FBXO42: variants seen among roughly 807,000 people sequenced by gnomAD.
The protein encoded by FBXO42 is F-box only protein 42.
A neutral mutation model predicts 71.7 loss-of-function variants in FBXO42; 12 were observed. The ratio of observed to expected loss-of-function variants is 0.17; its 90% CI spans 0.11 to 0.27. FBXO42 has a LOEUF of 0.27. FBXO42 is among the 10% of genes least tolerant of loss of function. FBXO42 has a pLI of 1.00. For missense variants in FBXO42, 707 were observed against 911.9 expected, an observed-to-expected ratio of 0.78 and a Z score of 2.89; for synonymous variants, 325 against 327.5, an observed-to-expected ratio of 0.99 and a Z score of 0.08.
At chr1:16,293,753 T>A (rs2082102396) in intron 4 of FBXO42, 1 of 152,210 alleles carries the variant, frequency 6.6e-6, no homozygotes, top group African/African-American at 2.4e-5. Context: ...ACATTCACAG[T>A]AGCGGTTATA....
At chr1:16,316,281 G>A (rs925646973) in intron 1 of FBXO42, among the ~76,000 whole-genome samples, 17 of 151,754 alleles carry the variant, frequency 1.1e-4, no homozygotes, top group African/African-American at 3.1e-4. Flanking sequence ...ACTTGCCAGC[G>A]GTGCCTGCAA....
In FBXO42 at chr1:16,326,040, G is replaced by GTGTGTGTGTGTGTGTC. The variant is rs766515532; in HGVS notation, c.-17-10606_-17-10605insGACACACACACACACA. Among the ~76,000 whole-genome samples the GTGTGTGTGTGTGTGTC allele has an allele frequency of 5.8e-3, 873 of 150,328 alleles. 9 individuals are homozygous for GTGTGTGTGTGTGTGTC. Among genetic ancestry groups the GTGTGTGTGTGTGTGTC allele is most frequent in the African/African-American group, 0.02 (817 of 40,680 alleles). ...TGTGTGTGTGTGTGTGTGTGTGTGT[G>GTGTGTGTGTGTGTGTC]TGTGTGTGTCTGTGTGTGTCTGTGT... On this transcript the variant is annotated intron_variant, in intron 1 of 9. Coordinates refer to ENST00000375592, the MANE Select transcript of FBXO42 (RefSeq NM_018994.3).
At chr1:16,262,832 C>T (rs1453201183) in intron 4 of FBXO42, among the ~76,000 whole-genome samples, 1 of 152,096 alleles carries the variant, frequency 6.6e-6, no homozygotes, top group Non-Finnish European at 1.5e-5. Context: ...ACCTCAGCCT[C>T]CCAAGTAGCT....
At chr1:16,316,779 C>T (rs1265993103) in intron 1 of FBXO42, among the ~76,000 whole-genome samples, 1 of 141,298 alleles carries the variant, frequency 7.1e-6, no homozygotes, top group Non-Finnish European at 1.5e-5. Flanking sequence ...CAAGAATAGA[C>T]TTCACTTGCT....
At chr1:16,324,980 G>C (rs1030483398) in intron 1 of FBXO42, among the ~76,000 whole-genome samples, 1 of 152,022 alleles carries the variant, frequency 6.6e-6, no homozygotes, top group Non-Finnish European at 1.5e-5. Flanking sequence ...GCTCACACCA[G>C]TAAACCCAAC....
chr1:16,258,795 G>C (rs986410339), intron 4 of FBXO42, among the ~76,000 whole-genome samples: 2 of 152,128 alleles, frequency 1.3e-5, no homozygotes, highest in African/African-American at 4.8e-5. Context: ...AGAGTGCAGT[G>C]ATGCGATCAT....
At chr1:16,343,943 T>C (rs2082631244) in intron 1 of FBXO42, among the ~76,000 whole-genome samples, 2 of 149,906 alleles carry the variant, frequency 1.3e-5, no homozygotes, top group Admixed American at 6.6e-5. Flanking sequence ...ACACCACACT[T>C]TAGCATGGCA....
rs2081573162 is a variant in FBXO42, at chr1:16,249,800, G to T, written c.*870C>A. The T allele has an allele frequency of 6.6e-6, 1 of 151,238 alleles. No individual in the cohort carries two copies. Among genetic ancestry groups the T allele is most frequent in the African/African-American group, 2.4e-5 (1 of 41,184 alleles). 9.4% of individuals were successfully genotyped at this position (151,238 alleles called of 1,614,324 possible). On this transcript the variant is annotated 3_prime_UTR_variant, in exon 10 of 10. Transcript: ENST00000375592. Reference sequence around the variant, plus strand: ...CACATATGAAAAAAAAAAAAGAAAAGAAAAAAGGTAGAAGAAAAAAGCAGC... The same window carrying T: ...CACATATGAAAAAAAAAAAAGAAAATAAAAAAGGTAGAAGAAAAAAGCAGC...
At chr1:16,271,258 G>GGGGTGT (rs1356399718) in intron 4 of FBXO42, among the ~76,000 whole-genome samples, 21 of 137,506 alleles carry the variant, frequency 1.5e-4, no homozygotes, top group African/African-American at 4.4e-4. Context: ...TGTGTGTGTT[G>GGGGTGT]GTGTGTGTGT....
At chr1:16,278,794 G>A (rs974468231) in intron 4 of FBXO42, among the ~76,000 whole-genome samples, 9 of 151,558 alleles carry the variant, frequency 5.9e-5, no homozygotes, top group Middle Eastern at 3.4e-3. Context: ...TTTTTGAGAC[G>A]GAGTTTCGCT....
chr1:16,342,298 A>G (rs148374251), intron 1 of FBXO42, among the ~76,000 whole-genome samples: 2,580 of 148,932 alleles, frequency 0.017, 69 homozygotes, highest in African/African-American at 0.059. Context: ...CAGGAGGCTG[A>G]GGCAGGAGAA....
intron 3 of FBXO42, among the ~76,000 whole-genome samples, chr1:16,299,772 G>A (rs1050363792): frequency 4.6e-5 from 7 of 152,044 alleles, no homozygotes; most frequent in African/African-American, 1.7e-4. Context: ...AGCCTCCCGA[G>A]TAGTTTGGAC....
chr1:16,270,751 TACACACACACACACACACAC>T (rs58610558), intron 4 of FBXO42, among the ~76,000 whole-genome samples: 2 of 111,002 alleles, frequency 1.8e-5, no homozygotes, highest in African/African-American at 3.6e-5. Context: ...TACCATGAGA[TACACACACACACACACACAC>T]ACACACACAC....
chr1:16,332,678 T>C (rs2082511638), intron 1 of FBXO42, among the ~76,000 whole-genome samples: 1 of 151,902 alleles, frequency 6.6e-6, no homozygotes, highest in Non-Finnish European at 1.5e-5. Flanking sequence ...ACAGCTGGGA[T>C]TACAGACATG....
At chr1:16,320,729 T>C (rs923078428) in intron 1 of FBXO42, among the ~76,000 whole-genome samples, 2 of 151,396 alleles carry the variant, frequency 1.3e-5, no homozygotes, top group Non-Finnish European at 2.9e-5. Context: ...CATGATCAAA[T>C]TTTTGTATTT....
At chr1:16,295,589 C>T (rs2082121491) in intron 3 of FBXO42, among the ~76,000 whole-genome samples, 1 of 152,108 alleles carries the variant, frequency 6.6e-6, no homozygotes, top group African/African-American at 2.4e-5. Context: ...GATGGAGTTT[C>T]ACCATGTTGG....
chr1:16,315,937 G>A (rs766727103), intron 1 of FBXO42, among the ~76,000 whole-genome samples: 15 of 152,052 alleles, frequency 9.9e-5, no homozygotes, highest in Non-Finnish European at 2.1e-4. Context: ...TTGGGAGACC[G>A]AGGCGGGCAG....
At chr1:16,326,206 C>T (rs1453025249) in intron 1 of FBXO42, among the ~76,000 whole-genome samples, 3 of 151,618 alleles carry the variant, frequency 2.0e-5, no homozygotes, top group African/African-American at 2.4e-5. Flanking sequence ...CAGGCATGCA[C>T]CAGCATGCCC....
In FBXO42 at chr1:16,294,770, T is replaced by C. The variant is rs745736245; in HGVS notation, c.502+13A>G. On this transcript the variant is annotated intron_variant, in intron 4 of 9. Transcript: ENST00000375592. The stretch of plus-strand genomic sequence containing the variant: ...CCTGGTAAGGAGGCAAAGATCAGCA[T>C]TTCATCTCTTACCTGAAGCCAAAGG... 6.2e-7 allele frequency: 1 copy of C among 1,612,746 alleles called. No homozygotes were observed. Among genetic ancestry groups the C allele is most frequent in the South Asian group, 1.1e-5 (1 of 90,856 alleles).
Sources: gnomAD v4.1 joint callset for allele counts (sites outside exome capture counted in the v4.1 genomes callset) on GRCh38, gnomAD v4.1.1 for gene constraint, MANE v1.5 for transcripts, NCBI Gene and HGNC (gene_info 2026-07-23, HGNC 2026-07-21) for gene names.